The following RGS12 variants were observed in gnomAD, a reference collection of about 807,000 sequenced individuals.
RGS12 encodes regulator of G protein signaling 12, also known as regulator of G-protein signaling 12.
A neutral mutation model predicts 120.1 loss-of-function variants in RGS12; 66 were observed. That is an observed-to-expected ratio of 0.55 (90% CI 0.45 to 0.67). The LOEUF (loss-of-function observed/expected upper bound fraction) is 0.67. RGS12 is among the 30% of genes least tolerant of loss of function. The pLI, the probability that RGS12 is intolerant of heterozygous loss-of-function variation, is 0.00. For missense variants in RGS12, 1,859 were observed against 1,957.7 expected (o/e 0.95, Z 0.95); for synonymous variants, 827 against 804.7 (o/e 1.03, Z -0.47).
At chr4:3,369,332 G>T (rs1207436811) in intron 3 of RGS12, among the ~76,000 whole-genome samples, 3 of 152,236 alleles carry the variant, frequency 2.0e-5, no homozygotes, top group Non-Finnish European at 4.4e-5. Flanking sequence ...TCTGCTCACT[G>T]AACACTCTCG....
intron 1 of RGS12, among the ~76,000 whole-genome samples, chr4:3,299,793 G>A (rs1484529823): frequency 1.3e-5 from 2 of 152,204 alleles, no homozygotes; most frequent in South Asian, 2.1e-4. Flanking sequence ...GAGACTGTGC[G>A]TCCTTTATTG....
the RGS12 span, among the ~76,000 whole-genome samples, chr4:3,287,418 T>C: frequency 1.3e-5 from 2 of 151,586 alleles, no homozygotes; most frequent in African/African-American, 4.8e-5. Flanking sequence ...AGCAGCTCTG[T>C]TGCTGCCAAG....
chr4:3,347,964 G>A (rs564442811), intron 3 of RGS12, among the ~76,000 whole-genome samples: 2 of 152,206 alleles, frequency 1.3e-5, no homozygotes, highest in South Asian at 4.1e-4. Flanking sequence ...CTAGCATCAC[G>A]TATCATTTTA....
rs111343084 is a variant in RGS12 at position 3,367,066 on chromosome 4, C to T, written c.1999-19350C>T. Reference sequence around the variant, plus strand: ...GAACTCCTCCAATCTAGCCCTGCCCCCCTGCTCACCCTGGGTTTCCAGCTC... The same window carrying T: ...GAACTCCTCCAATCTAGCCCTGCCCTCCTGCTCACCCTGGGTTTCCAGCTC... On this transcript the variant is annotated intron_variant, in intron 3 of 17. Coordinates refer to ENST00000336727, the MANE Select transcript of RGS12 (RefSeq NM_001394154.1). Among the ~76,000 whole-genome samples, 56 of 152,364 alleles carry T rather than the reference C, an allele frequency of 3.7e-4. 1 individual carries two copies. Among genetic ancestry groups the T allele is most frequent in the African/African-American group, 1.3e-3 (55 of 41,584 alleles).
At chr4:3,423,109 C>CGGGGGGGGGGGGGGGGGGG in intron 12 of RGS12, 131 bp downstream of exon 12, 2 of 508,338 alleles carry the variant, frequency 3.9e-6, no homozygotes, top group South Asian at 3.0e-5. Context: ...GGTGTCGGGG[C>CGGGGGGGGGGGGGGGGGGG]GGGGGGAGGG....
rs779831339 is a variant in RGS12 at position 3,439,466 on chromosome 4, C to G, written c.4126C>G (p.His1376Asp). 6 of 1,612,788 alleles carry G rather than the reference C, an allele frequency of 3.7e-6. No individual in the cohort carries two copies. In the Admixed American group the frequency reaches 1.0e-4, roughly 27 times the overall value. ...TCTCCTTGTGACAGGAAGTGGGACC[C>G]ATGGCAGCCGAGACCTCCCAGTCAA... The part of the protein sequence containing the change: ...PGPSRPGSGT[H>D]GSRDLPVNRI... The change falls in exon 18 of 18, where the codon CAT becomes GAT. Residue 1376 changes from histidine to aspartate, a missense_variant. His to Asp is a moderately conservative substitution (Grantham distance 81, BLOSUM62 -1). Transcript: ENST00000336727.
chr4:3,414,468 C>T (rs1722113402), intron 5 of RGS12: 1 of 599,536 alleles, frequency 1.7e-6, no homozygotes, highest in Non-Finnish European at 2.9e-6. Flanking sequence ...CCCTCCCGCT[C>T]TCTACTGGGG....
Position 3,414,805 on chromosome 4 carries a change from T to C in RGS12, c.2244T>C (p.Cys748=). 1.2e-6 allele frequency: 2 copies of C among 1,613,682 alleles called. No individual in the cohort carries two copies. ...SEENILFWQA[C]EYFNHVPAHD... is the part of the protein sequence containing the mutation. ...AAAACATTTTATTCTGGCAGGCCTGTGAATATTTTAATCATGTTCCTGCAC... is the reference window on the plus strand; with the variant it reads ...AAAACATTTTATTCTGGCAGGCCTGCGAATATTTTAATCATGTTCCTGCAC... The change falls in exon 6 of 18, where the codon TGT becomes TGC. Residue 748 remains cysteine, a synonymous_variant. Transcript: ENST00000336727.
rs746979853 is a variant in RGS12 at position 3,365,854 on chromosome 4, A to G, written c.1999-20562A>G. Among the ~76,000 whole-genome samples, 6 of 152,166 alleles carry G rather than the reference A, an allele frequency of 3.9e-5. No homozygotes were observed. Among genetic ancestry groups the G allele is most frequent in the Admixed American group, 1.3e-4 (2 of 15,288 alleles). ...AAGATCCTGTGAACTCCGGACATGT[A>G]ATAGGATTCTTCAGTGCTTCAGGGC... On this transcript the variant is annotated intron_variant, in intron 3 of 17. Coordinates refer to ENST00000336727, the MANE Select transcript of RGS12 (RefSeq NM_001394154.1). The surrounding 1 kb of genome is among the most constrained non-coding windows in gnomAD (Gnocchi z 4.0).
chr4:3,419,585 G>A (rs889048525), intron 9 of RGS12: 1 of 152,020 alleles, frequency 6.6e-6, no homozygotes, highest in Non-Finnish European at 1.5e-5. Flanking sequence ...GGTGGGGCGA[G>A]GTGTGAGGAT....
intron 1 of RGS12, among the ~76,000 whole-genome samples, chr4:3,303,805 A>C (rs1723816224): frequency 6.6e-6 from 1 of 152,260 alleles, no homozygotes; most frequent in African/African-American, 2.4e-5. Context: ...TCTGAATGCT[A>C]CTTCCTTTTA....
chr4:3,356,216 G>A (rs1234501927), intron 3 of RGS12, among the ~76,000 whole-genome samples: 2 of 151,850 alleles, frequency 1.3e-5, no homozygotes, highest in Admixed American at 6.6e-5. Context: ...CATCATGCCC[G>A]GATAATTTTT....
intron 13 of RGS12, among the ~76,000 whole-genome samples, chr4:3,425,247 T>G (rs747457826): frequency 2.0e-5 from 3 of 152,132 alleles, no homozygotes; most frequent in African/African-American, 4.8e-5. Context: ...TCCTGCGTGA[T>G]TCCATCGAGC....
intron 4 of RGS12, among the ~76,000 whole-genome samples, chr4:3,410,488 G>A (rs1721619018): frequency 6.6e-6 from 1 of 152,220 alleles, no homozygotes; most frequent in Non-Finnish European, 1.5e-5. Flanking sequence ...CTTTGGGGGG[G>A]CTGTCCAGCC....
chr4:3,306,758 TG>T (rs2110369309), intron 1 of RGS12, among the ~76,000 whole-genome samples: 1 of 152,014 alleles, frequency 6.6e-6, no homozygotes, highest in South Asian at 2.1e-4. Context: ...TGCTTCTGTT[TG>T]GGTAGGGAAT....
chr4:3,425,437 A>AT (rs1191042350), intron 13 of RGS12, 27 bp from the exon 14 acceptor site: 1 of 1,588,766 alleles, frequency 6.3e-7, no homozygotes, highest in Non-Finnish European at 8.6e-7. Context: ...GTCTGGGTAA[A>AT]TTATTCAGTG....
At chr4:3,338,213 AC>A (rs1330792108) in intron 2 of RGS12, among the ~76,000 whole-genome samples, 1 of 152,188 alleles carries the variant, frequency 6.6e-6, no homozygotes, top group African/African-American at 2.4e-5. Context: ...GGCATGTGCC[AC>A]CATGCCTGGC....
chr4:3,309,610 G>A (rs1258601960), intron 1 of RGS12, among the ~76,000 whole-genome samples: 2 of 124,880 alleles, frequency 1.6e-5, no homozygotes, highest in Non-Finnish European at 3.3e-5. Flanking sequence ...GCTGGGACCT[G>A]GGAATGGCAG....
At chr4:3,412,397 G>C (rs959202886) in intron 4 of RGS12, among the ~76,000 whole-genome samples, 4 of 152,326 alleles carry the variant, frequency 2.6e-5, no homozygotes, top group East Asian at 1.9e-4. Context: ...GTTTAGTGTC[G>C]CTTCTGCCCC....
Sources: allele counts gnomAD v4.1 joint callset (sites outside exome capture counted in the v4.1 genomes callset), GRCh38; gene constraint gnomAD v4.1.1; non-coding constraint Gnocchi (gnomAD v3.1); transcripts MANE v1.5; gene names NCBI Gene and HGNC (gene_info 2026-07-23, HGNC 2026-07-21).